Variants in PTPN4 observed in about 807,000 individuals in gnomAD.
The protein encoded by PTPN4 is protein tyrosine phosphatase non-receptor type 4.
In PTPN4, 49 loss-of-function variants were observed where a neutral mutation model predicts 135.5. That is an observed-to-expected ratio of 0.36 (90% CI 0.29 to 0.46). The LOEUF is 0.46. Among genes scored for constraint, PTPN4 ranks in the 20% least tolerant of loss-of-function variants. The pLI is 1.00. For missense variants in PTPN4, 860 were observed against 1,101.0 expected, an observed-to-expected ratio of 0.78 and a Z score of 3.10; for synonymous variants, 333 against 369.9, an observed-to-expected ratio of 0.90 and a Z score of 1.14.
intron 2 of PTPN4, among the ~76,000 whole-genome samples, chr2:119,854,247 CG>C (rs1480124202): frequency 6.6e-6 from 1 of 152,068 alleles, no homozygotes; most frequent in Admixed American, 6.5e-5. Context: ...GAGGAGGAGA[CG>C]GAGGAATTAC....
intron 25 of PTPN4, among the ~76,000 whole-genome samples, chr2:119,965,917 A>G (rs72840433): frequency 0.021 from 3,175 of 152,288 alleles, 62 homozygotes; most frequent in Non-Finnish European, 0.033. Context: ...ACAATTTACA[A>G]TAGATTTGAT....
chr2:119,965,278 T>A (rs1324947992), intron 24 of PTPN4, among the ~76,000 whole-genome samples: 3 of 152,146 alleles, frequency 2.0e-5, no homozygotes, highest in Non-Finnish European at 2.9e-5. Context: ...AACTATAATC[T>A]TGTAATGGGT....
chr2:119,790,238 T>C (rs1691120198), intron 1 of PTPN4, among the ~76,000 whole-genome samples: 1 of 152,162 alleles, frequency 6.6e-6, no homozygotes, highest in African/African-American at 2.4e-5. Flanking sequence ...AGTTGGTTTA[T>C]AATGTTGTTC....
chr2:119,947,762 C>CCACACACACA (rs3084728), intron 18 of PTPN4, among the ~76,000 whole-genome samples: 1,987 of 147,220 alleles, frequency 0.013, 25 homozygotes, highest in African/African-American at 0.035. Context: ...AACACCACTA[C>CCACACACACA]CACACACACA....
At chr2:119,793,846 GTTTTTTTTTT>G (rs55956611) in intron 1 of PTPN4, among the ~76,000 whole-genome samples, 2 of 24,800 alleles carry the variant, frequency 8.1e-5, no homozygotes, top group Admixed American at 8.8e-4. Context: ...TTCATTTTTA[GTTTTTTTTTT>G]TTTTTTTTTT....
intron 15 of PTPN4, 122 bp from the exon 16 acceptor site, chr2:119,944,959 A>G: frequency 1.3e-6 from 1 of 750,320 alleles, no homozygotes; most frequent in Non-Finnish European, 2.0e-6. Context: ...AAAAAGTGGC[A>G]CTTCCAAATA....
chr2:119,840,194 C>T (rs1041013648), intron 2 of PTPN4, among the ~76,000 whole-genome samples: 3 of 152,176 alleles, frequency 2.0e-5, no homozygotes, highest in African/African-American at 7.2e-5. Flanking sequence ...GTTTGCTGCA[C>T]AGATCATCCC....
chr2:119,881,852 A>G (rs1678084618), intron 6 of PTPN4, 22 bp downstream of exon 6: 2 of 1,506,158 alleles, frequency 1.3e-6, no homozygotes, highest in Middle Eastern at 1.7e-4. Context: ...AAATTTCTTA[A>G]AAAATTTTTT....
chr2:119,962,253 G>A (rs1049013572), intron 23 of PTPN4, among the ~76,000 whole-genome samples: 1 of 152,072 alleles, frequency 6.6e-6, no homozygotes, highest in Non-Finnish European at 1.5e-5. Flanking sequence ...TCAGGAGTTC[G>A]AGACCAGCCT....
At position 119,851,934 on chromosome 2, in the gene PTPN4, A is replaced by G. The variant is rs564906669; in HGVS notation, c.139-10602A>G. 1.2e-4 allele frequency among the ~76,000 whole-genome samples: 19 copies of G among 152,322 alleles called. No individual in the cohort carries two copies. In the South Asian group the frequency reaches 3.3e-3, roughly 27 times the overall value. On this transcript the variant is annotated intron_variant, in intron 2 of 26. Coordinates refer to ENST00000263708, the MANE Select transcript of PTPN4 (RefSeq NM_002830.4). Reference sequence around the variant, plus strand: ...TGCCTGCCTAACTACCTGTAACACTATGATTTCAATTTTAAAATTATTGTG... The same window carrying G: ...TGCCTGCCTAACTACCTGTAACACTGTGATTTCAATTTTAAAATTATTGTG...
chr2:119,934,819 C>G lies in PTPN4; in HGVS notation c.1216C>G (p.Gln406Glu). The G allele has an allele frequency of 3.1e-6, 5 of 1,613,844 alleles. No individual in the cohort carries two copies. The highest frequency in any genetic ancestry group is 4.2e-6 in the Non-Finnish European group (5 of 1,179,864). ...TPNHRNSTFT[Q>E]EGTRLRPSSV... is the part of the protein sequence containing the mutation. The stretch of plus-strand genomic sequence containing the variant: ...ATTTAGTCGAAATTCTACATTCACG[C>G]AGGAAGGAACCCGGTTACGACCATC... Residue 406 changes from glutamine (Q) to glutamate (E), a missense_variant, in exon 15 of 27, where the codon CAG becomes GAG. This residue lies in a region of PTPN4 where 684 missense variants were observed against 807.0 expected (regional missense o/e 0.85). Coordinates refer to ENST00000263708, the MANE Select transcript of PTPN4 (RefSeq NM_002830.4).
intron 15 of PTPN4, among the ~76,000 whole-genome samples, chr2:119,943,406 C>T (rs926179392): frequency 3.3e-5 from 5 of 151,926 alleles, no homozygotes; most frequent in Non-Finnish European, 5.9e-5. Flanking sequence ...AGAGACATAA[C>T]AAAAGTTCTT....
intron 12 of PTPN4, 81 bp downstream of exon 12, chr2:119,920,322 A>G (rs546185674): frequency 7.0e-7 from 1 of 1,421,890 alleles, no homozygotes; most frequent in South Asian, 1.4e-5. Context: ...TTATGGAACC[A>G]TACAACCTTT....
chr2:119,915,215 GT>G lies in PTPN4; in HGVS notation c.807del (p.Phe269LeufsTer21). 2 of 1,540,318 alleles carry G rather than the reference GT, an allele frequency of 1.3e-6. No individual in the cohort carries two copies. Among genetic ancestry groups the G allele is most frequent in the Non-Finnish European group, 1.7e-6 (2 of 1,145,294 alleles). On this transcript the variant is annotated frameshift_variant, in exon 11 of 27. Transcript: ENST00000263708. LOFTEE classifies it high-confidence loss of function. ...IVKISFKCKQ[F>X]FIQLRKELHE... ...TAAAAATTTCTTTTAAGTGCAAACA[GT>G]TTTTTATTCAACTTAGAAAAGAATT... is the stretch of plus-strand genomic sequence containing the variant.
chr2:119,956,103 G>A (rs904960503), intron 20 of PTPN4, among the ~76,000 whole-genome samples: 7 of 151,894 alleles, frequency 4.6e-5, no homozygotes, highest in Non-Finnish European at 1.0e-4. Flanking sequence ...CTTTCAGACA[G>A]ATCATTATAT....
rs1452498687 is a variant in PTPN4 at position 119,877,347 on chromosome 2, A to G, written c.271A>G (p.Ile91Val). The G allele has an allele frequency of 1.9e-6, 3 of 1,611,628 alleles. No individual in the cohort carries two copies. Among genetic ancestry groups the G allele is most frequent in the African/African-American group, 2.7e-5 (2 of 74,820 alleles). The change falls in exon 4 of 27, where the codon ATA becomes GTA. Residue 91 changes from isoleucine to valine, a missense_variant. Coordinates refer to ENST00000263708, the MANE Select transcript of PTPN4 (RefSeq NM_002830.4). Reference sequence around the variant, plus strand: ...GAGGTGGCTGGATCCAAACAAACCAATAAGGAAGCAGCTAAAGAGTGAGCA... The same window carrying G: ...GAGGTGGCTGGATCCAAACAAACCAGTAAGGAAGCAGCTAAAGAGTGAGCA... ...NPRWLDPNKP[I>V]RKQLKRGSPY...
At chr2:119,920,962 A>T (rs1053525486) in intron 12 of PTPN4, among the ~76,000 whole-genome samples, 1 of 152,308 alleles carries the variant, frequency 6.6e-6, no homozygotes, top group South Asian at 2.1e-4. Context: ...TATGCTTCAC[A>T]TAATAAGATT....
chr2:119,932,677 G>C (rs1268638669), intron 14 of PTPN4, 128 bp downstream of exon 14: 1 of 1,138,226 alleles, frequency 8.8e-7, no homozygotes, highest in African/African-American at 1.6e-5. Flanking sequence ...CATGATTTTT[G>C]TTGCTCCAGA....
Position 119,956,841 on chromosome 2 carries a change from T to TTTTCA in PTPN4, c.1981-3_1981-2insTTTCA. 6.3e-7 allele frequency: 1 copy of TTTTCA among 1,578,868 alleles called. No homozygotes were observed. Among genetic ancestry groups the TTTTCA allele is most frequent in the Non-Finnish European group, 8.5e-7 (1 of 1,171,076 alleles). ...GAATTGTACCTTTTTTTTTTTTTTTTAGCAACTGTATCGGAAAAAACCTGG... is the reference window on the plus strand; with the variant it reads ...GAATTGTACCTTTTTTTTTTTTTTTTTTTCAAGCAACTGTATCGGAAAAAACCTGG... On this transcript the variant is annotated splice_region_variant and splice_polypyrimidine_tract_variant and intron_variant, in intron 20 of 26. Transcript: ENST00000263708.
Sources: allele counts gnomAD v4.1 joint callset (sites outside exome capture counted in the v4.1 genomes callset), GRCh38; gene constraint gnomAD v4.1.1; regional missense constraint gnomAD v4.1.1; transcripts MANE v1.5; gene names NCBI Gene and HGNC (gene_info 2026-07-23, HGNC 2026-07-21).